Variants in TSHZ2 observed in about 807,000 individuals in gnomAD.
TSHZ2 encodes the protein teashirt homolog 2.
TSHZ2 carries 21 observed loss-of-function variants against 74.4 expected under a neutral mutation model. The observed-to-expected ratio is 0.28, with a 90% CI of 0.20 to 0.41. The LOEUF (loss-of-function observed/expected upper bound fraction) is 0.41, where lower values mean the gene tolerates loss of function less well. Among genes scored for constraint, TSHZ2 ranks in the 10% least tolerant of loss-of-function variants. The pLI is 1.00. For synonymous variants in TSHZ2, 540 were observed against 515.3 expected, an observed-to-expected ratio of 1.05 and a Z score of -0.65; for missense variants, 1,244 against 1,293.5, an observed-to-expected ratio of 0.96 and a Z score of 0.59.
intron 2 of TSHZ2, among the ~76,000 whole-genome samples, chr20:53,276,515 A>G (rs1324969511): frequency 2.0e-5 from 3 of 152,212 alleles, no homozygotes; most frequent in Non-Finnish European, 4.4e-5. Flanking sequence ...CACTAGCAGT[A>G]AGAGCAAATA....
chr20:53,083,073 A>C (rs936578146), intron 1 of TSHZ2, among the ~76,000 whole-genome samples: 1 of 152,196 alleles, frequency 6.6e-6, no homozygotes, highest in African/African-American at 2.4e-5. Flanking sequence ...ACTACTTGCA[A>C]CCTAACCTTC....
chr20:53,099,825 A>G (rs1986165566), intron 1 of TSHZ2, among the ~76,000 whole-genome samples: 1 of 152,166 alleles, frequency 6.6e-6, no homozygotes, highest in Non-Finnish European at 1.5e-5. Flanking sequence ...CCCACAACAC[A>G]TGGGAATTAT....
At chr20:53,124,369 G>A (rs1600701931) in intron 1 of TSHZ2, among the ~76,000 whole-genome samples, 1 of 152,292 alleles carries the variant, frequency 6.6e-6, no homozygotes, top group African/African-American at 2.4e-5. Context: ...CATTCCTAAT[G>A]AACAAACTGC....
chr20:53,193,146 A>G (rs1316151032), intron 1 of TSHZ2, among the ~76,000 whole-genome samples: 1 of 151,760 alleles, frequency 6.6e-6, no homozygotes, highest in African/African-American at 2.4e-5. Context: ...TCCTTTGGGC[A>G]AAGGGTTTTA....
In TSHZ2 at chr20:53,488,709, A is replaced by AT. The variant is rs1301014590; in HGVS notation, c.*1583dup. The AT allele has an allele frequency of 2.2e-4, 60 of 276,382 alleles. No homozygotes were observed. Among genetic ancestry groups the AT allele is most frequent in the South Asian group, 5.2e-4 (14 of 26,888 alleles). The allele number at this position is 276,382 out of a possible 1,614,324, so 17.1% of individuals were successfully genotyped here. On this transcript the variant is annotated 3_prime_UTR_variant, in exon 3 of 3. Coordinates refer to ENST00000371497, the MANE Select transcript of TSHZ2 (RefSeq NM_173485.6). ...TGTTGTTGCTTTAATTACCAAGGTT[A>AT]TTTTTTTTTAATCTCAACACTGACA...
intron 2 of TSHZ2, among the ~76,000 whole-genome samples, chr20:53,440,860 A>G (rs1433085530): frequency 6.6e-6 from 1 of 152,230 alleles, no homozygotes; most frequent in African/African-American, 2.4e-5. Flanking sequence ...TTGGGAAAAA[A>G]CAAGACCAGC....
At chr20:53,481,577 C>CA (rs909943143) in intron 2 of TSHZ2, among the ~76,000 whole-genome samples, 7 of 147,410 alleles carry the variant, frequency 4.7e-5, no homozygotes, top group African/African-American at 1.3e-4. Context: ...GACCCTGTCT[C>CA]AAAAAAAATA....
intron 1 of TSHZ2, among the ~76,000 whole-genome samples, chr20:53,191,594 C>T (rs1315673377): frequency 1.3e-5 from 2 of 152,172 alleles, no homozygotes; most frequent in Non-Finnish European, 2.9e-5. Flanking sequence ...ACCCAGGAGG[C>T]GGAGGCTGCA....
chr20:53,304,216 A>T (rs1444557013), intron 2 of TSHZ2, among the ~76,000 whole-genome samples: 1 of 123,920 alleles, frequency 8.1e-6, no homozygotes, highest in Non-Finnish European at 1.6e-5. Context: ...CAGTCCCCAG[A>T]GTGTGATGTT....
intron 2 of TSHZ2, among the ~76,000 whole-genome samples, chr20:53,257,270 CT>C (rs1990502752): frequency 6.6e-6 from 1 of 152,192 alleles, no homozygotes; most frequent in Admixed American, 6.5e-5. Context: ...CTTCTTTCAT[CT>C]TTTGGTTTTC....
rs1447079292 is a variant in TSHZ2 at position 53,254,156 on chromosome 20, A to C, written c.698A>C (p.His233Pro). The change falls in exon 2 of 3, where the codon CAC becomes CCC. Residue 233 changes from histidine to proline, a missense_variant. Around this residue, in one of 6 missense-constraint regions of TSHZ2, gnomAD observed 470 missense variants for 456.5 expected, o/e 1.03. Coordinates refer to ENST00000371497, the MANE Select transcript of TSHZ2 (RefSeq NM_173485.6). The part of the protein sequence containing the change: ...AYDTLVELTV[H>P]MNETGHYQDD... ...GACACCCTAGTCGAGCTGACTGTGC[A>C]CATGAATGAAACGGGCCACTATCAA... 6.2e-7 allele frequency: 1 copy of C among 1,614,072 alleles called. No homozygotes were observed. Among genetic ancestry groups the C allele is most frequent in the Non-Finnish European group, 8.5e-7 (1 of 1,180,042 alleles).
chr20:53,010,341 T>G (rs1982803762), intron 1 of TSHZ2, among the ~76,000 whole-genome samples: 1 of 152,140 alleles, frequency 6.6e-6, no homozygotes, highest in Non-Finnish European at 1.5e-5. Context: ...ATCATCAAAA[T>G]CCTATCTGCA....
At chr20:53,036,822 T>G (rs1162648986) in intron 1 of TSHZ2, among the ~76,000 whole-genome samples, 1 of 149,390 alleles carries the variant, frequency 6.7e-6, no homozygotes, top group Non-Finnish European at 1.5e-5. Flanking sequence ...ATAACAAACA[T>G]TATTTCACAT....
At chr20:53,464,410 G>C (rs2145821493) in intron 2 of TSHZ2, among the ~76,000 whole-genome samples, 1 of 152,252 alleles carries the variant, frequency 6.6e-6, no homozygotes, top group South Asian at 2.1e-4. Flanking sequence ...TTGTGAGAAG[G>C]GCCCTTCAGG....
At chr20:53,211,074 G>A (rs1235167995) in intron 1 of TSHZ2, among the ~76,000 whole-genome samples, 1 of 152,182 alleles carries the variant, frequency 6.6e-6, no homozygotes, top group Non-Finnish European at 1.5e-5. Context: ...GTATTAGTAG[G>A]TAGTATTTAT....
At chr20:53,422,641 C>T (rs928878346) in intron 2 of TSHZ2, among the ~76,000 whole-genome samples, 4 of 152,142 alleles carry the variant, frequency 2.6e-5, no homozygotes, top group South Asian at 4.1e-4. Context: ...ACACACCCGC[C>T]GGCCAGGCCT....
chr20:53,464,609 A>G (rs929904422), intron 2 of TSHZ2, among the ~76,000 whole-genome samples: 2 of 152,294 alleles, frequency 1.3e-5, no homozygotes, highest in African/African-American at 2.4e-5. Flanking sequence ...CTATAGGTGC[A>G]CACCACCATG....
intron 2 of TSHZ2, among the ~76,000 whole-genome samples, chr20:53,332,231 C>T (rs1979753465): frequency 6.6e-6 from 1 of 152,188 alleles, no homozygotes; most frequent in Admixed American, 6.5e-5. Flanking sequence ...GAAGAGGCCC[C>T]AGTGCTCTGG....
chr20:53,087,747 T>C (rs993959398), intron 1 of TSHZ2, among the ~76,000 whole-genome samples: 1 of 152,224 alleles, frequency 6.6e-6, no homozygotes, highest in African/African-American at 2.4e-5. Context: ...GATTCGGCCA[T>C]TGGCAGGGAC....
Sources: gnomAD v4.1 joint callset for allele counts (sites outside exome capture counted in the v4.1 genomes callset) on GRCh38, gnomAD v4.1.1 for gene constraint, gnomAD v4.1.1 regional missense constraint, MANE v1.5 for transcripts, NCBI Gene and HGNC (gene_info 2026-07-23, HGNC 2026-07-21) for gene names.